The following ZNF827 variants were observed in gnomAD, a reference collection of about 807,000 sequenced individuals.
ZNF827 encodes zinc finger protein 827.
In ZNF827, 13 loss-of-function variants were observed where a neutral mutation model predicts 102.4. The ratio of observed to expected loss-of-function variants is 0.13; its 90% CI spans 0.08 to 0.20. The LOEUF (loss-of-function observed/expected upper bound fraction) is 0.20, where lower values mean the gene tolerates loss of function less well. ZNF827 is among the 10% of genes least tolerant of loss of function. The pLI, the probability that ZNF827 is intolerant of heterozygous loss-of-function variation, is 1.00. For missense variants in ZNF827, 1,103 were observed against 1,344.4 expected, an observed-to-expected ratio of 0.82 and a Z score of 2.81; for synonymous variants, 523 against 536.2, an observed-to-expected ratio of 0.98 and a Z score of 0.34.
intron 3 of ZNF827, among the ~76,000 whole-genome samples, chr4:145,890,897 A>G (rs1346140980): frequency 1.3e-5 from 2 of 152,240 alleles, no homozygotes. Context: ...AACAAATTAC[A>G]TCATGGATTT....
chr4:145,777,075 C>T (rs116159127), intron 9 of ZNF827, among the ~76,000 whole-genome samples: 1,731 of 152,254 alleles, frequency 0.011, 43 homozygotes, highest in African/African-American at 0.04. Flanking sequence ...AAATACCTGT[C>T]TTCTTTAGTT....
chr4:145,887,132 G>A (rs1376216581), intron 3 of ZNF827, among the ~76,000 whole-genome samples: 8 of 150,604 alleles, frequency 5.3e-5, no homozygotes, highest in Non-Finnish European at 1.2e-4. Flanking sequence ...GTGTAGATGT[G>A]GGCCAAATGA....
In ZNF827 at chr4:145,761,943, G is replaced by T. The variant is rs1734580631; in HGVS notation, c.*18-345C>A. 6.6e-6 allele frequency among the ~76,000 whole-genome samples: 1 copy of T among 152,006 alleles called. No individual in the cohort carries two copies. The highest frequency in any genetic ancestry group is 1.5e-5 in the Non-Finnish European group (1 of 68,000). On this transcript the variant is annotated intron_variant, in intron 14 of 14. Coordinates refer to ENST00000508784, the MANE Select transcript of ZNF827 (RefSeq NM_001306215.2). The surrounding 1 kb of genome is among the most constrained non-coding windows in gnomAD (Gnocchi z 6.8). ...TCCAGCCCCCGCCCGGCCCCTCGGA[G>T]CCCTCCCCACTCCCGACCAGACAGC...
chr4:145,778,040 T>G (rs1248258727), intron 9 of ZNF827, among the ~76,000 whole-genome samples: 1 of 152,124 alleles, frequency 6.6e-6, no homozygotes, highest in Non-Finnish European at 1.5e-5. Context: ...TCCTAAATTT[T>G]GTCTTTAGTC....
chr4:145,842,108 T>C (rs1745478369), intron 7 of ZNF827, among the ~76,000 whole-genome samples: 1 of 152,122 alleles, frequency 6.6e-6, no homozygotes, highest in African/African-American at 2.4e-5. Context: ...AAATTTTCCA[T>C]TATAAGAGTT....
chr4:145,771,679 T>C (rs1560899506), intron 11 of ZNF827, among the ~76,000 whole-genome samples: 1 of 152,144 alleles, frequency 6.6e-6, no homozygotes. Flanking sequence ...CCCTTTAACA[T>C]AACCACTCAC....
At chr4:145,782,081 G>A (rs948976803) in intron 8 of ZNF827, among the ~76,000 whole-genome samples, 2 of 152,308 alleles carry the variant, frequency 1.3e-5, no homozygotes, top group African/African-American at 2.4e-5. Context: ...CAGTTGTCAC[G>A]GGGCACCCAT....
At chr4:145,842,905 A>AG (rs1745558239) in intron 7 of ZNF827, among the ~76,000 whole-genome samples, 1 of 152,212 alleles carries the variant, frequency 6.6e-6, no homozygotes, top group African/African-American at 2.4e-5. Flanking sequence ...ACACTCCATT[A>AG]GTACTTAAAA....
At chr4:145,934,762 G>A (rs1754040666) in intron 1 of ZNF827, among the ~76,000 whole-genome samples, 1 of 152,168 alleles carries the variant, frequency 6.6e-6, no homozygotes, top group Non-Finnish European at 1.5e-5. Flanking sequence ...CAGAAAAATA[G>A]ATCCAACACA....
chr4:145,830,534 T>C lies in ZNF827; in HGVS notation c.2280-7009A>G, dbSNP rs574357799. 21 of 152,328 alleles carry C rather than the reference T, an allele frequency of 1.4e-4. 1 individual carries two copies. Among genetic ancestry groups the C allele is most frequent in the Middle Eastern group, 3.4e-3 (1 of 294 alleles). The allele number at this position is 152,328 out of a possible 1,614,324, so 9.4% of individuals were successfully genotyped here. A position where few individuals can be genotyped will look rare whatever the true frequency, so the allele number is the denominator to read the frequency against. ...TAAGAATATTTCATTTTCAACTTAA[T>C]TTTCATGATTAATGCCGTTTTCTTC... On this transcript the variant is annotated intron_variant, in intron 7 of 14. Coordinates refer to ENST00000508784, the MANE Select transcript of ZNF827 (RefSeq NM_001306215.2).
At chr4:145,831,839 G>A (rs899694944) in intron 7 of ZNF827, 7 of 149,334 alleles carry the variant, frequency 4.7e-5, no homozygotes, top group African/African-American at 1.7e-4. Context: ...TATGGGTGAT[G>A]GGAATATAGT....
chr4:145,776,113 A>G (rs569569216), intron 9 of ZNF827, among the ~76,000 whole-genome samples, 153 bp from the exon 10 acceptor site: 2 of 152,316 alleles, frequency 1.3e-5, no homozygotes, highest in African/African-American at 4.8e-5. Context: ...GTAAGTATCT[A>G]AAAGTCTTTA....
chr4:145,889,549 C>T (rs1196596098), intron 3 of ZNF827, among the ~76,000 whole-genome samples: 1 of 147,060 alleles, frequency 6.8e-6, no homozygotes, highest in African/African-American at 2.5e-5. Context: ...GCTATACTGA[C>T]CCCACTTTTT....
At chr4:145,845,009 A>T (rs1745794565) in intron 7 of ZNF827, among the ~76,000 whole-genome samples, 2 of 152,220 alleles carry the variant, frequency 1.3e-5, no homozygotes, top group African/African-American at 2.4e-5. Flanking sequence ...AAGTTCCTTG[A>T]TTTAAAGACT....
intron 8 of ZNF827, among the ~76,000 whole-genome samples, chr4:145,781,634 T>C (rs907941877): frequency 6.6e-6 from 1 of 151,908 alleles, no homozygotes; most frequent in African/African-American, 2.4e-5. Context: ...GAAATGTGGG[T>C]GAAGAGAAGT....
At chr4:145,934,572 G>A (rs1754025406) in intron 1 of ZNF827, among the ~76,000 whole-genome samples, 1 of 152,184 alleles carries the variant, frequency 6.6e-6, no homozygotes, top group South Asian at 2.1e-4. Context: ...GGGACTCTGT[G>A]CCAGGGGCTG....
chr4:145,764,276 A>T (rs1203019378), intron 13 of ZNF827, among the ~76,000 whole-genome samples: 3 of 152,162 alleles, frequency 2.0e-5, no homozygotes, highest in Non-Finnish European at 4.4e-5. Context: ...TGTGCAGATG[A>T]GGTAGTACTA....
chr4:145,876,562 C>G (rs955369744), intron 4 of ZNF827: 5 of 152,124 alleles, frequency 3.3e-5, no homozygotes, highest in Non-Finnish European at 7.4e-5. Context: ...GGTAACACAC[C>G]AAGTATTTAC....
chr4:145,791,006 G>A (rs1472861698), intron 8 of ZNF827, among the ~76,000 whole-genome samples: 2 of 152,192 alleles, frequency 1.3e-5, no homozygotes, highest in Admixed American at 6.5e-5. Context: ...TTTATATGAT[G>A]GGAGTTTCTG....
Sources: allele counts gnomAD v4.1 joint callset (sites outside exome capture counted in the v4.1 genomes callset), GRCh38; gene constraint gnomAD v4.1.1; non-coding constraint Gnocchi (gnomAD v3.1); transcripts MANE v1.5; gene names NCBI Gene and HGNC (gene_info 2026-07-23, HGNC 2026-07-21).